STK31: variants seen among roughly 807,000 people sequenced by gnomAD.
STK31 encodes serine/threonine-protein kinase 31.
STK31 carries 89 observed loss-of-function variants against 129.7 expected under a neutral mutation model. That is an observed-to-expected ratio of 0.69 (90% CI 0.58 to 0.82). The LOEUF (loss-of-function observed/expected upper bound fraction) is 0.82, where lower values mean the gene tolerates loss of function less well. Ranked by LOEUF, STK31 falls within the 40% of genes least tolerant of loss-of-function variation. The probability of loss-of-function intolerance (pLI) is 0.00; values close to 1 mark genes in which losing one functional copy is unlikely to be tolerated. For synonymous variants in STK31, 448 were observed against 395.3 expected (o/e 1.13, Z -1.58); for missense variants, 1,187 against 1,176.4 (o/e 1.01, Z -0.13).
intron 22 of STK31, among the ~76,000 whole-genome samples, chr7:23,808,806 T>C (rs147026126): frequency 6.6e-6 from 1 of 150,452 alleles, no homozygotes; most frequent in African/African-American, 2.4e-5. Context: ...CTACTAATAC[T>C]ACGGATGGGA....
At chr7:23,798,789 A>G (rs1162711930) in intron 22 of STK31, among the ~76,000 whole-genome samples, 3 of 152,224 alleles carry the variant, frequency 2.0e-5, no homozygotes, top group Admixed American at 2.0e-4. Flanking sequence ...TCAAATAGGA[A>G]GAGAGACAGT....
intron 4 of STK31, chr7:23,722,554 AGTCT>A (rs1344239277): frequency 6.6e-6 from 1 of 152,492 alleles, no homozygotes; most frequent in African/African-American, 2.4e-5. Context: ...TTGAGGATAC[AGTCT>A]GTCTGTTCTC....
In STK31 at chr7:23,735,657, A is replaced by G. The variant is rs778836521; in HGVS notation, c.603A>G (p.Glu201=). 9.9e-6 allele frequency: 16 copies of G among 1,613,978 alleles called. No individual in the cohort carries two copies. The Admixed American group carries it at 2.5e-4, about 25-fold the overall frequency. The change falls in exon 7 of 24, where the codon GAA becomes GAG. Residue 201 remains glutamate, a synonymous_variant. Coordinates refer to ENST00000355870, the MANE Select transcript of STK31 (RefSeq NM_031414.5). The part of the protein sequence containing the change: ...QAEYGSVDIG[E]EVLKKGFAEK... ...AGTATGGCAGTGTGGATATAGGGGA[A>G]GAGGTGCTTAAGAAAGGATTTGCAG...
Position 23,786,528 on chromosome 7 carries a change from CA to C in STK31, c.2296del (p.Thr766GlnfsTer5), listed in dbSNP as rs749775677. The C allele has an allele frequency of 6.2e-7, 1 of 1,613,224 alleles. No individual in the cohort carries two copies. Among genetic ancestry groups the C allele is most frequent in the Non-Finnish European group, 8.5e-7 (1 of 1,179,660 alleles). On this transcript the variant is annotated frameshift_variant, in exon 19 of 24. Coordinates refer to ENST00000355870, the MANE Select transcript of STK31 (RefSeq NM_031414.5). LOFTEE classifies it high-confidence loss of function. ...ACAAGGGCTATTCTGTGGATGTTGA[CA>C]CAGAAGCCAAGGTGATTGAGAGAGC... Reference protein sequence around the residue: ...LLKGYSVDVDTEAKVIERAAT... With the variant: ...LLKGYSVDVDXEAKVIERAAT...
At chr7:23,718,760 G>A (rs1279437301) in intron 4 of STK31, among the ~76,000 whole-genome samples, 1 of 151,866 alleles carries the variant, frequency 6.6e-6, no homozygotes, top group East Asian at 1.9e-4. Context: ...ATGGGCATTT[G>A]GATTTTTTGC....
rs1213536500 is a variant in STK31, at chr7:23,736,913, G to A, written c.852G>A (p.Leu284=). Residue 284 remains leucine (L), a synonymous_variant, in exon 8 of 24, where the codon TTG becomes TTA. Transcript: ENST00000355870. ...GNLITFPKES[L]AVGDFNLGSN... The stretch of plus-strand genomic sequence containing the variant: ...GAATTTGTTTTTATAGGGAAAGTTT[G>A]GCTGTTGGTGACTTTAATTTAGGGT... The A allele has an allele frequency of 1.2e-6, 2 of 1,601,812 alleles. No homozygotes were observed. The highest frequency in any genetic ancestry group is 1.1e-5 in the South Asian group (1 of 88,490).
intron 15 of STK31, among the ~76,000 whole-genome samples, chr7:23,772,509 G>T (rs1347719857): frequency 6.6e-6 from 1 of 151,842 alleles, no homozygotes; most frequent in African/African-American, 2.4e-5. Flanking sequence ...CATTTTCCTA[G>T]GCTGCCTTGG....
chr7:23,771,182 C>G (rs1269421575), intron 14 of STK31, 58 bp downstream of exon 14: 4 of 1,457,882 alleles, frequency 2.7e-6, no homozygotes, highest in Non-Finnish European at 2.7e-6. Context: ...TTTTTCAGTA[C>G]TTAAATTTTT....
intron 15 of STK31, among the ~76,000 whole-genome samples, chr7:23,778,217 A>C (rs1790681498): frequency 1.3e-5 from 2 of 152,120 alleles, no homozygotes; most frequent in African/African-American, 4.8e-5. Context: ...TGTTAGTTTG[A>C]TGGGCTTCCC....
rs1794596545 is a variant in STK31 at position 23,832,214 on chromosome 7, G to C, written c.2908G>C (p.Glu970Gln). 5 of 1,613,990 alleles carry C rather than the reference G, an allele frequency of 3.1e-6. No homozygotes were observed. Among genetic ancestry groups the C allele is most frequent in the Non-Finnish European group, 4.2e-6 (5 of 1,180,024 alleles). The stretch of plus-strand genomic sequence containing the variant: ...GACTGCTGAACAAGTTTTAAATGCT[G>C]AATGTTTCTTGATGCCAAAGGAGCA... ...SMTAEQVLNA[E>Q]CFLMPKEQSV... Residue 970 changes from glutamate to glutamine, a missense_variant, in exon 24 of 24, where the codon GAA becomes CAA. Around this residue, in one of 5 missense-constraint regions of STK31, gnomAD observed 975 missense variants for 934.9 expected, o/e 1.04. Transcript: ENST00000355870.
intron 10 of STK31, among the ~76,000 whole-genome samples, chr7:23,757,945 T>C (rs1377266746): frequency 2.0e-5 from 3 of 152,176 alleles, no homozygotes; most frequent in Non-Finnish European, 4.4e-5. Flanking sequence ...TTAACAAGCA[T>C]ACTGCCTTCA....
chr7:23,721,508 A>G lies in STK31; in HGVS notation c.249+3929A>G, dbSNP rs1416595418. 33 of 1,006,164 alleles carry G rather than the reference A, an allele frequency of 3.3e-5. 1 individual carries two copies. In the South Asian group the frequency reaches 3.7e-4, roughly 11 times the overall value. The allele number at this position is 1,006,164 out of a possible 1,614,324, so 62.3% of individuals were successfully genotyped here. ...CTGAGGAATAAGCTGATTACCCACA[A>G]ATATGTATGTGTTAGTTCTCTGTTT... On this transcript the variant is annotated intron_variant, in intron 4 of 23. Transcript: ENST00000355870.
intron 5 of STK31, among the ~76,000 whole-genome samples, chr7:23,728,056 TTTTC>T (rs1787194222): frequency 6.7e-6 from 1 of 150,206 alleles, no homozygotes; most frequent in African/African-American, 2.4e-5. Flanking sequence ...ATGTGGTGAG[TTTTC>T]TTTGTGTTAA....
intron 19 of STK31, 30 bp downstream of exon 19, chr7:23,786,663 A>T: frequency 1.3e-6 from 2 of 1,597,408 alleles, no homozygotes; most frequent in Non-Finnish European, 1.7e-6. Flanking sequence ...CTCTTGCAGA[A>T]ACCATTTTAT....
intron 23 of STK31, among the ~76,000 whole-genome samples, chr7:23,827,401 C>T (rs183237974): frequency 1.7e-3 from 254 of 152,226 alleles, no homozygotes; most frequent in African/African-American, 5.7e-3. Context: ...GTTACTGAGT[C>T]TTGTGCATTC....
intron 23 of STK31, among the ~76,000 whole-genome samples, chr7:23,816,860 T>A (rs1272475348): frequency 5.3e-5 from 8 of 151,884 alleles, no homozygotes; most frequent in Non-Finnish European, 1.0e-4. Context: ...AAGGTTGGGG[T>A]CTTGGGGCAA....
At chr7:23,712,586 T>G (rs1463030388) in intron 3 of STK31, among the ~76,000 whole-genome samples, 5 of 152,170 alleles carry the variant, frequency 3.3e-5, no homozygotes, top group African/African-American at 1.2e-4. Context: ...TCTGAGAGCC[T>G]GTTGTATTTG....
chr7:23,790,434 T>A (rs1211377536), intron 21 of STK31, among the ~76,000 whole-genome samples: 2 of 152,200 alleles, frequency 1.3e-5, no homozygotes, highest in African/African-American at 4.8e-5. Flanking sequence ...ATTTAGAGAA[T>A]GATCAGTAAG....
intron 11 of STK31, among the ~76,000 whole-genome samples, chr7:23,764,068 T>C (rs892371056): frequency 2.0e-5 from 3 of 152,214 alleles, no homozygotes; most frequent in African/African-American, 7.2e-5. Context: ...GTTTTGATGA[T>C]GCACCACATG....
Sources: gnomAD v4.1 joint callset for allele counts (sites outside exome capture counted in the v4.1 genomes callset) on GRCh38, gnomAD v4.1.1 for gene constraint, gnomAD v4.1.1 regional missense constraint, MANE v1.5 for transcripts, NCBI Gene and HGNC (gene_info 2026-07-23, HGNC 2026-07-21) for gene names.